ZNF404: variants seen among roughly 807,000 people sequenced by gnomAD.
ZNF404 encodes zinc finger protein 404.
Under a neutral mutation model 7.3 loss-of-function variants are expected in ZNF404, and 7 were observed. The ratio of observed to expected loss-of-function variants is 0.95; its 90% confidence interval spans 0.54 to 1.79. ZNF404 has a LOEUF of 1.79. ZNF404 is among the 40% of genes most tolerant of loss of function. The pLI is 0.00. For missense variants in ZNF404, 560 were observed against 661.5 expected, an observed-to-expected ratio of 0.85 and a Z score of 1.68; for synonymous variants, 191 against 209.9, an observed-to-expected ratio of 0.91 and a Z score of 0.78.
chr19:43,873,936 G>A lies in ZNF404; in HGVS notation c.278C>T (p.Thr93Ile). The A allele has an allele frequency of 6.2e-7, 1 of 1,613,164 alleles. No homozygotes were observed. Among genetic ancestry groups the A allele is most frequent in the African/African-American group, 1.3e-5 (1 of 74,898 alleles). The change falls in exon 3 of 3, where the codon ACA becomes ATA. Residue 93 changes from threonine (T) to isoleucine (I), a missense_variant. Thr to Ile is a moderately conservative substitution (Grantham distance 89). Coordinates refer to ENST00000587539, the MANE Select transcript of ZNF404 (RefSeq NM_001033719.3). Reference sequence around the variant, plus strand: ...TCTCTGTTGTCTCCCAAATTCAATTGTGTACTGTGGGTCAGTTCTGAAAAT... The same window carrying A: ...TCTCTGTTGTCTCCCAAATTCAATTATGTACTGTGGGTCAGTTCTGAAAAT... ...RFIFRTDPQY[T>I]IEFGRQQRPK...
At position 43,873,397 on chromosome 19, in the gene ZNF404, A is replaced by G; in HGVS notation, c.817T>C (p.Cys273Arg). ...KIHHGVKPYK[C>R]KECGKAFGHR... Reference sequence around the variant, plus strand: ...CCAAAAGCCTTTCCACATTCTTTACATTTGTAGGGTTTCACACCATGATGA... The same window carrying G: ...CCAAAAGCCTTTCCACATTCTTTACGTTTGTAGGGTTTCACACCATGATGA... Residue 273 changes from cysteine (C) to arginine (R), a missense_variant, in exon 3 of 3, where the codon TGT becomes CGT. By Grantham distance (180) the Cys-to-Arg change is radical (BLOSUM62 -3). Transcript: ENST00000587539. The G allele has an allele frequency of 8.1e-6, 13 of 1,613,460 alleles. No homozygotes were observed. Among genetic ancestry groups the G allele is most frequent in the Non-Finnish European group, 1.1e-5 (13 of 1,179,626 alleles).
In ZNF404 at chr19:43,873,873, T is replaced by C. The variant is rs780070746; in HGVS notation, c.341A>G (p.Lys114Arg). ...CTTATGTAGAGGAAGGGATTTATGT[T>C]TTTTGAATATCATTTGACTAAAACA... ...VGCFSQMIFK[K>R]HKSLPLHKRN... is the part of the protein sequence containing the mutation. Residue 114 changes from lysine (K) to arginine (R), a missense_variant, in exon 3 of 3, where the codon AAA (lysine) becomes AGA (arginine). Coordinates refer to ENST00000587539, the MANE Select transcript of ZNF404 (RefSeq NM_001033719.3). 3 of 1,613,010 alleles carry C rather than the reference T, an allele frequency of 1.9e-6. No individual in the cohort carries two copies. The highest frequency in any genetic ancestry group is 1.1e-5 in the South Asian group (1 of 91,010).
At chr19:43,874,505 TAACC>T (rs1386485574) in intron 2 of ZNF404, among the ~76,000 whole-genome samples, 3 of 152,062 alleles carry the variant, frequency 2.0e-5, no homozygotes, top group African/African-American at 7.2e-5. Context: ...ACCAAACACA[TAACC>T]ATGAATAAAA....
chr19:43,879,321 C>T (rs1197857103), intron 2 of ZNF404, among the ~76,000 whole-genome samples: 1 of 152,100 alleles, frequency 6.6e-6, no homozygotes, highest in Non-Finnish European at 1.5e-5. Flanking sequence ...AACATTCAAA[C>T]TCCATCATAT....
intron 1 of ZNF404, 133 bp downstream of exon 1, chr19:43,883,823 A>T: frequency 1.1e-6 from 1 of 877,206 alleles, no homozygotes; most frequent in Non-Finnish European, 1.8e-6. Context: ...CCATCACTGG[A>T]ATGGGAGGAA....
At chr19:43,879,394 C>A (rs1333128891) in intron 2 of ZNF404, among the ~76,000 whole-genome samples, 1 of 151,998 alleles carries the variant, frequency 6.6e-6, no homozygotes. Context: ...GTGGGATATG[C>A]TCAAAAGGTC....
chr19:43,872,442 G>T lies in ZNF404; in HGVS notation c.*113C>A. 1 of 749,586 alleles carries T rather than the reference G, an allele frequency of 1.3e-6. No individual in the cohort carries two copies. The highest frequency in any genetic ancestry group is 2.0e-6 in the Non-Finnish European group (1 of 497,626). The allele number at this position is 749,586 out of a possible 1,614,324, so 46.4% of individuals were successfully genotyped here. On this transcript the variant is annotated 3_prime_UTR_variant, in exon 3 of 3. Transcript: ENST00000587539. This position sits in a 1 kb window ranked among gnomAD's most constrained non-coding sequence, Gnocchi z 4.4. The stretch of plus-strand genomic sequence containing the variant: ...TGTATTTAGTAAGCAAATACGATGT[G>T]CCAGATGCCTTTCCAAGTATTTATA...
At position 43,873,630 on chromosome 19, in the gene ZNF404, G is replaced by A. The variant is rs1372972907; in HGVS notation, c.584C>T (p.Ala195Val). The A allele has an allele frequency of 6.2e-7, 1 of 1,613,262 alleles. No individual in the cohort carries two copies. The highest frequency in any genetic ancestry group is 8.5e-7 in the Non-Finnish European group (1 of 1,179,628). The change falls in exon 3 of 3, where the codon GCC (alanine) becomes GTC (valine). Residue 195 changes from alanine to valine, a missense_variant. Transcript: ENST00000587539. ...AATAAGCTGTGAATAAAACCTAAAGGCCTTCTCACATCCATTGCATTCATA... is the reference window on the plus strand; with the variant it reads ...AATAAGCTGTGAATAAAACCTAAAGACCTTCTCACATCCATTGCATTCATA... ...KPYECNGCEK[A>V]FRFYSQLIQH...
In ZNF404 at chr19:43,872,574, C is replaced by G; in HGVS notation, c.1640G>C (p.Gly547Ala). 3 of 1,604,022 alleles carry G rather than the reference C, an allele frequency of 1.9e-6. No individual in the cohort carries two copies. The highest frequency in any genetic ancestry group is 2.6e-6 in the Non-Finnish European group (3 of 1,174,986). ...QLSQHQRFHH[G>A]ERLLM ...CTCTCATTACATTAAGAGTCTCTCACCATGGTGAAATCTTTGATGTTGACT... is the reference window on the plus strand; with the variant it reads ...CTCTCATTACATTAAGAGTCTCTCAGCATGGTGAAATCTTTGATGTTGACT... The change falls in exon 3 of 3, where the codon GGT becomes GCT. Residue 547 changes from glycine (G) to alanine (A), a missense_variant. By Grantham distance (60) the Gly-to-Ala change is moderately conservative. Coordinates refer to ENST00000587539, the MANE Select transcript of ZNF404 (RefSeq NM_001033719.3). This position sits in a 1 kb window ranked among gnomAD's most constrained non-coding sequence, Gnocchi z 4.4.
chr19:43,878,558 C>G (rs1436015449), intron 2 of ZNF404, among the ~76,000 whole-genome samples: 2 of 152,216 alleles, frequency 1.3e-5, no homozygotes, highest in Non-Finnish European at 2.9e-5. Context: ...TGGAACTACC[C>G]TGGAGGCTCT....
intron 2 of ZNF404, among the ~76,000 whole-genome samples, chr19:43,876,141 A>C (rs1476023149): frequency 6.6e-6 from 1 of 152,008 alleles, no homozygotes; most frequent in Non-Finnish European, 1.5e-5. Context: ...CTGGCCAACA[A>C]TAGGAAATCT....
intron 1 of ZNF404, among the ~76,000 whole-genome samples, chr19:43,880,883 A>G (rs1482582214): frequency 6.6e-6 from 1 of 152,242 alleles, no homozygotes; most frequent in Non-Finnish European, 1.5e-5. Context: ...CTAACAGTAT[A>G]TAAGAAAGGG....
At chr19:43,877,253 T>A (rs932765258) in intron 2 of ZNF404, among the ~76,000 whole-genome samples, 1 of 152,048 alleles carries the variant, frequency 6.6e-6, no homozygotes, top group Non-Finnish European at 1.5e-5. Flanking sequence ...CCAGAAGAGA[T>A]GGAAAATCTA....
intron 1 of ZNF404, 88 bp from the exon 2 acceptor site, chr19:43,880,224 A>T: frequency 8.6e-7 from 1 of 1,160,840 alleles, no homozygotes; most frequent in South Asian, 1.5e-5. Flanking sequence ...GGCAATATGT[A>T]AAAAGAAGTA....
At chr19:43,874,327 C>T (rs1479018762) in intron 2 of ZNF404, among the ~76,000 whole-genome samples, 1 of 152,018 alleles carries the variant, frequency 6.6e-6, no homozygotes, top group Non-Finnish European at 1.5e-5. Context: ...TATTTAGTTG[C>T]AAATCAGAAT....
rs765361109 is a variant in ZNF404 at position 43,873,449 on chromosome 19, A to ATATAATCTAAACG, written c.752_764dup (p.Arg256ValfsTer2). 1.4e-5 allele frequency: 22 copies of ATATAATCTAAACG among 1,613,612 alleles called. No individual in the cohort carries two copies. The Admixed American group carries it at 3.7e-4, about 27-fold the overall frequency. On this transcript the variant is annotated stop_gained and frameshift_variant, in exon 3 of 3. Transcript: ENST00000587539. LOFTEE classifies it low-confidence loss of function (END_TRUNC). Reference sequence around the variant, plus strand: ...TTTTCTGATGCAGACACATATGTCGATATAATCTAAACGTTTCCCCACATT... The same window carrying ATATAATCTAAACG: ...TTTTCTGATGCAGACACATATGTCGATATAATCTAAACGTATAATCTAAACGTTTCCCCACATT...
intron 2 of ZNF404, among the ~76,000 whole-genome samples, chr19:43,877,005 T>C (rs937088827): frequency 6.6e-6 from 1 of 152,146 alleles, no homozygotes; most frequent in Admixed American, 6.6e-5. Context: ...ATATCCTGGA[T>C]TGAATCACGG....
chr19:43,879,960 C>T (rs1599747369), intron 2 of ZNF404, 50 bp downstream of exon 2: 1 of 1,604,230 alleles, frequency 6.2e-7, no homozygotes, highest in East Asian at 2.2e-5. Context: ...ACAGAGAAGG[C>T]TGATATTCTA....
In ZNF404 at chr19:43,872,645, C is replaced by A. The variant is rs1971819259; in HGVS notation, c.1569G>T (p.Gln523His). 2 of 1,612,652 alleles carry A rather than the reference C, an allele frequency of 1.2e-6. No individual in the cohort carries two copies. Among genetic ancestry groups the A allele is most frequent in the African/African-American group, 2.7e-5 (2 of 74,900 alleles). Residue 523 changes from glutamine to histidine, a missense_variant, in exon 3 of 3, where the codon CAG (glutamine) becomes CAT (histidine). Coordinates refer to ENST00000587539, the MANE Select transcript of ZNF404 (RefSeq NM_001033719.3). The surrounding 1 kb of genome is among the most constrained non-coding windows in gnomAD (Gnocchi z 4.4). ...AGGCCTTACCACATTCTTTGCATTT[C>A]TGTGGTTTCACACCAGTATGAATTG... is the stretch of plus-strand genomic sequence containing the variant. ...HETIHTGVKP[Q>H]KCKECGKAFS...
Sources: gnomAD v4.1 joint callset for allele counts (sites outside exome capture counted in the v4.1 genomes callset) on GRCh38, gnomAD v4.1.1 for gene constraint, Gnocchi (gnomAD v3.1) non-coding constraint, MANE v1.5 for transcripts, NCBI Gene and HGNC (gene_info 2026-07-23, HGNC 2026-07-21) for gene names.